Variants in MTUS2 observed in about 807,000 individuals in gnomAD.
The protein encoded by MTUS2 is microtubule associated scaffold protein 2.
MTUS2 carries 40 observed loss-of-function variants against 114.1 expected under a neutral mutation model. That is an observed-to-expected ratio of 0.35 (90% confidence interval 0.27 to 0.46). The LOEUF (loss-of-function observed/expected upper bound fraction) is 0.46, where lower values mean the gene tolerates loss of function less well. Ranked by LOEUF, MTUS2 falls within the 20% of genes least tolerant of loss-of-function variation. The pLI is 1.00. For missense variants in MTUS2, 1,679 were observed against 1,705.4 expected (o/e 0.98, Z 0.27); for synonymous variants, 688 against 672.0 (o/e 1.02, Z -0.37).
chr13:29,048,070 G>A (rs1374079615), intron 4 of MTUS2, among the ~76,000 whole-genome samples: 1 of 152,140 alleles, frequency 6.6e-6, no homozygotes, highest in Non-Finnish European at 1.5e-5. Flanking sequence ...GGACATTTTG[G>A]TTGTTTCACT....
At chr13:29,465,837 T>G (rs1364021336) in intron 9 of MTUS2, among the ~76,000 whole-genome samples, 2 of 152,264 alleles carry the variant, frequency 1.3e-5, no homozygotes, top group East Asian at 3.8e-4. Flanking sequence ...TAAAGGTCGC[T>G]TCTCTAAATG....
chr13:29,341,311 C>G (rs1169167002), intron 7 of MTUS2, among the ~76,000 whole-genome samples: 2 of 152,118 alleles, frequency 1.3e-5, no homozygotes, highest in African/African-American at 4.8e-5. Flanking sequence ...CCACCAACAT[C>G]TATTGTTTTT....
intron 7 of MTUS2, among the ~76,000 whole-genome samples, chr13:29,348,073 A>G (rs1348664011): frequency 1.3e-5 from 2 of 151,994 alleles, no homozygotes; most frequent in Non-Finnish European, 2.9e-5. Flanking sequence ...GATTTTTATA[A>G]GGCTTCATCA....
Position 28,843,505 on chromosome 13 carries a change from A to G in MTUS2, c.-243+3655A>G, listed in dbSNP as rs116041819. The stretch of plus-strand genomic sequence containing the variant: ...AAACACAGGAGGAGAAAAAAGACCA[A>G]ACACATGTTAATATTTAAATTCATA... On this transcript the variant is annotated intron_variant, in intron 2 of 15. Coordinates refer to ENST00000612955, the MANE Select transcript of MTUS2 (RefSeq NM_001033602.4). 7.1e-3 allele frequency among the ~76,000 whole-genome samples: 1,081 copies of G among 152,280 alleles called. 9 individuals carry two copies. Among genetic ancestry groups the G allele is most frequent in the African/African-American group, 0.024 (1,008 of 41,546 alleles).
chr13:29,145,660 G>A (rs977842912), intron 5 of MTUS2, among the ~76,000 whole-genome samples: 1 of 152,114 alleles, frequency 6.6e-6, no homozygotes, highest in Non-Finnish European at 1.5e-5. Context: ...GACTTAGAGT[G>A]TTACCCCACC....
intron 5 of MTUS2, among the ~76,000 whole-genome samples, chr13:29,143,392 C>T (rs1391698988): frequency 6.6e-6 from 1 of 152,162 alleles, no homozygotes; most frequent in Admixed American, 6.5e-5. Flanking sequence ...GTGCTTAATA[C>T]ATTGTTCACA....
chr13:29,428,840 G>A (rs760840820), intron 8 of MTUS2: 1 of 1,613,876 alleles, frequency 6.2e-7, no homozygotes, highest in East Asian at 2.2e-5. Flanking sequence ...CCAGCCTGCC[G>A]GGATGGGCCA....
chr13:29,212,113 A>C (rs947587121), intron 5 of MTUS2, among the ~76,000 whole-genome samples: 2 of 152,118 alleles, frequency 1.3e-5, no homozygotes, highest in Non-Finnish European at 2.9e-5. Context: ...TTGTAGTTAC[A>C]GTCCACAAAT....
At chr13:29,036,507 T>C (rs958365348) in intron 4 of MTUS2, among the ~76,000 whole-genome samples, 1 of 152,174 alleles carries the variant, frequency 6.6e-6, no homozygotes, top group East Asian at 1.9e-4. Flanking sequence ...TGGAGAGTTC[T>C]GTAGATGTCT....
intron 6 of MTUS2, among the ~76,000 whole-genome samples, chr13:29,282,412 C>T (rs1415099453): frequency 1.3e-5 from 2 of 152,228 alleles, no homozygotes; most frequent in Non-Finnish European, 2.9e-5. Context: ...CTGTGCCCCA[C>T]CTGTGCATAC....
intron 6 of MTUS2, among the ~76,000 whole-genome samples, chr13:29,306,123 T>C (rs1289380417): frequency 2.6e-5 from 4 of 152,230 alleles, no homozygotes; most frequent in South Asian, 4.1e-4. Context: ...AACTAGGTAT[T>C]GAAGGAACAT....
intron 11 of MTUS2, 74 bp downstream of exon 11, chr13:29,488,079 G>T: frequency 8.8e-7 from 1 of 1,140,726 alleles, no homozygotes; most frequent in Non-Finnish European, 1.3e-6. Flanking sequence ...CAGATGTGTG[G>T]AGCCCCCCTT....
At chr13:29,226,962 T>A (rs6490379) in intron 5 of MTUS2, among the ~76,000 whole-genome samples, 1 of 152,036 alleles carries the variant, frequency 6.6e-6, no homozygotes, top group Non-Finnish European at 1.5e-5. Flanking sequence ...GTCCTGGACT[T>A]GAATCTGCAT....
rs184794798 is a variant in MTUS2, at chr13:29,488,219, C to T, written c.3505+214C>T. ...TTCTTTCCTCCAATGCAGTTATCCTCAACCTTGATGAATACTGGAATTCCC... is the reference window on the plus strand; with the variant it reads ...TTCTTTCCTCCAATGCAGTTATCCTTAACCTTGATGAATACTGGAATTCCC... On this transcript the variant is annotated intron_variant, in intron 11 of 15. Transcript: ENST00000612955. The T allele has an allele frequency of 3.6e-5, 20 of 562,698 alleles. No homozygotes were observed. In the African/African-American group the frequency reaches 3.8e-4, roughly 11 times the overall value. 34.9% of individuals were successfully genotyped at this position (562,698 alleles called of 1,614,324 possible).
intron 5 of MTUS2, among the ~76,000 whole-genome samples, chr13:29,245,073 G>A (rs1384900379): frequency 6.6e-6 from 1 of 151,626 alleles, no homozygotes; most frequent in Non-Finnish European, 1.5e-5. Flanking sequence ...ATCCTATAAA[G>A]GGTTAAGTTT....
chr13:29,468,740 C>T (rs1210198396), intron 9 of MTUS2, among the ~76,000 whole-genome samples: 1 of 152,174 alleles, frequency 6.6e-6, no homozygotes, highest in Non-Finnish European at 1.5e-5. Context: ...ATGCCTGCTT[C>T]ACCCATCTTT....
intron 4 of MTUS2, among the ~76,000 whole-genome samples, chr13:29,050,209 T>G (rs976302984): frequency 6.6e-6 from 1 of 152,150 alleles, no homozygotes; most frequent in Non-Finnish European, 1.5e-5. Flanking sequence ...TCCCTTTCTC[T>G]TATATACTTT....
intron 5 of MTUS2, among the ~76,000 whole-genome samples, chr13:29,109,369 A>G (rs886986721): frequency 2.0e-5 from 3 of 152,170 alleles, no homozygotes; most frequent in Admixed American, 6.5e-5. Flanking sequence ...CAAGTATACA[A>G]TATAGTGTTA....
chr13:29,115,550 C>T (rs761006306), intron 5 of MTUS2, among the ~76,000 whole-genome samples: 15 of 152,120 alleles, frequency 9.9e-5, no homozygotes, highest in Admixed American at 3.9e-4. Context: ...CTTAGTTCAT[C>T]TTGTCAAAAA....
Sources: gnomAD v4.1 joint callset for allele counts (sites outside exome capture counted in the v4.1 genomes callset) on GRCh38, gnomAD v4.1.1 for gene constraint, MANE v1.5 for transcripts, NCBI Gene and HGNC (gene_info 2026-07-23, HGNC 2026-07-21) for gene names.